RYK: variants seen among roughly 807,000 people sequenced by gnomAD.
RYK encodes the protein receptor like tyrosine kinase.
RYK carries 21 observed loss-of-function variants against 70.2 expected under a neutral mutation model. That is an observed-to-expected ratio of 0.30 (90% CI 0.21 to 0.43). RYK has a LOEUF of 0.43. Ranked by LOEUF, RYK falls within the 20% of genes least tolerant of loss-of-function variation. The probability of loss-of-function intolerance (pLI) is 1.00; values close to 1 mark genes in which losing one functional copy is unlikely to be tolerated. For missense variants in RYK, 604 were observed against 753.3 expected (o/e 0.80, Z 2.32); for synonymous variants, 267 against 278.0 (o/e 0.96, Z 0.39).
chr3:134,249,561 T>C (rs1162723538), intron 1 of RYK, among the ~76,000 whole-genome samples: 2 of 152,190 alleles, frequency 1.3e-5, no homozygotes, highest in Non-Finnish European at 2.9e-5. Flanking sequence ...TAAGGGGTCA[T>C]TTCCAGAATC....
intron 6 of RYK, among the ~76,000 whole-genome samples, chr3:134,196,733 C>T (rs1015680420): frequency 1.3e-5 from 2 of 152,092 alleles, no homozygotes; most frequent in Non-Finnish European, 2.9e-5. Flanking sequence ...GCAATGAGGA[C>T]TGTAAGTCTT....
intron 1 of RYK, among the ~76,000 whole-genome samples, chr3:134,231,485 T>C (rs1025596449): frequency 6.6e-6 from 1 of 152,224 alleles, no homozygotes; most frequent in African/African-American, 2.4e-5. Context: ...ACATTTCAAC[T>C]GAAGACAGGG....
chr3:134,165,623 C>G (rs1021272871), intron 13 of RYK, among the ~76,000 whole-genome samples: 1 of 152,206 alleles, frequency 6.6e-6, no homozygotes, highest in African/African-American at 2.4e-5. Flanking sequence ...CTCTGGCAAA[C>G]AGCCACTGAG....
At chr3:134,159,627 A>T (rs2012384233) in intron 13 of RYK, among the ~76,000 whole-genome samples, 1 of 152,244 alleles carries the variant, frequency 6.6e-6, no homozygotes, top group South Asian at 2.1e-4. Flanking sequence ...GTTGATTACA[A>T]GCTACGTATT....
rs2107702399 is a variant in RYK, at chr3:134,250,448, G to A, written c.207C>T (p.Ser69=). ...CGATCAGCCGGCGCACCTCGTCCTCGCTCAGGTAGAGACTCACGCTGGGCC... is the reference window on the plus strand; with the variant it reads ...CGATCAGCCGGCGCACCTCGTCCTCACTCAGGTAGAGACTCACGCTGGGCC... ...SAGPSVSLYL[S]EDEVRRLIGL... The change falls in exon 1 of 15, where the codon AGC becomes AGT. Residue 69 remains serine, a synonymous_variant. Coordinates refer to ENST00000623711, the MANE Select transcript of RYK (RefSeq NM_002958.4). 7.1e-7 allele frequency: 1 copy of A among 1,408,146 alleles called. No homozygotes were observed. The highest frequency in any genetic ancestry group is 9.3e-7 in the Non-Finnish European group (1 of 1,079,090). 87.2% of individuals were successfully genotyped at this position (1,408,146 alleles called of 1,614,324 possible). A position where few individuals can be genotyped will look rare whatever the true frequency, so the allele number is the denominator to read the frequency against.
At chr3:134,236,721 C>T (rs1560028273) in intron 1 of RYK, among the ~76,000 whole-genome samples, 1 of 152,150 alleles carries the variant, frequency 6.6e-6, no homozygotes, top group Non-Finnish European at 1.5e-5. Flanking sequence ...GCATGACAGA[C>T]ATGTAGACCA....
At chr3:134,197,466 A>T (rs534776174) in intron 6 of RYK, among the ~76,000 whole-genome samples, 1 of 152,368 alleles carries the variant, frequency 6.6e-6, no homozygotes, top group East Asian at 1.9e-4. Context: ...TAAAGCATTT[A>T]TTGCCTAGCC....
In RYK at chr3:134,191,828, C is replaced by T. The variant is rs774206383; in HGVS notation, c.1015+21G>A. On this transcript the variant is annotated intron_variant, in intron 8 of 14. Transcript: ENST00000623711. ...TAACATTAAATCATACTTAAAAAAC[C>T]GACTTTGAGATAATAAATACCTTCT... is the stretch of plus-strand genomic sequence containing the variant. 2.3e-5 allele frequency: 36 copies of T among 1,580,050 alleles called. No individual in the cohort carries two copies. The East Asian group carries it at 3.0e-4, about 13-fold the overall frequency.
chr3:134,223,255 G>T (rs928107757), intron 1 of RYK, among the ~76,000 whole-genome samples: 1 of 152,102 alleles, frequency 6.6e-6, no homozygotes, highest in African/African-American at 2.4e-5. Context: ...AAGTGACTCC[G>T]AAGTTTCACT....
chr3:134,189,904 A>T (rs1267565787), intron 8 of RYK, among the ~76,000 whole-genome samples: 1 of 152,198 alleles, frequency 6.6e-6, no homozygotes, highest in Admixed American at 6.5e-5. Context: ...ATGATCACTG[A>T]AAATGAATCT....
chr3:134,243,561 T>C (rs1037301693), intron 1 of RYK, among the ~76,000 whole-genome samples: 2 of 152,198 alleles, frequency 1.3e-5, no homozygotes, highest in African/African-American at 4.8e-5. Context: ...CTTTATCCTG[T>C]GGCGCTCCAT....
intron 3 of RYK, 57 bp downstream of exon 3, chr3:134,211,451 C>A (rs1028834775): frequency 8.3e-7 from 1 of 1,204,972 alleles, no homozygotes; most frequent in African/African-American, 1.5e-5. Flanking sequence ...GTTTTGGGGC[C>A]ATAGGGGATG....
intron 13 of RYK, among the ~76,000 whole-genome samples, chr3:134,174,545 T>C (rs1576504728): frequency 6.6e-6 from 1 of 152,228 alleles, no homozygotes; most frequent in Non-Finnish European, 1.5e-5. Flanking sequence ...TATAGGATTT[T>C]ACATATAACA....
intron 13 of RYK, among the ~76,000 whole-genome samples, chr3:134,172,513 A>G (rs1385887521): frequency 1.3e-5 from 2 of 152,232 alleles, no homozygotes; most frequent in African/African-American, 2.4e-5. Context: ...AAACATTATC[A>G]AAGAGTAGAA....
Position 134,176,045 on chromosome 3 carries a change from G to A in RYK, c.1306-6C>T. 1.6e-5 allele frequency: 24 copies of A among 1,543,832 alleles called. No individual in the cohort carries two copies. Among genetic ancestry groups the A allele is most frequent in the Non-Finnish European group, 2.1e-5 (24 of 1,132,838 alleles). The stretch of plus-strand genomic sequence containing the variant: ...AGGTCTTGCTGAGAAATTGCCTGTG[G>A]TAACAAAAAATAACATGGTTTGCAA... On this transcript the variant is annotated splice_polypyrimidine_tract_variant and splice_region_variant and intron_variant, in intron 11 of 14. Coordinates refer to ENST00000623711, the MANE Select transcript of RYK (RefSeq NM_002958.4).
intron 1 of RYK, among the ~76,000 whole-genome samples, chr3:134,246,303 T>TACACACACACACACAC (rs71139521): frequency 1.1e-5 from 1 of 89,198 alleles, no homozygotes; most frequent in Non-Finnish European, 2.3e-5. Context: ...CAGAAAGAAA[T>TACACACACACACACAC]ACACACACAC....
At chr3:134,217,072 A>C (rs1005991324) in intron 2 of RYK, among the ~76,000 whole-genome samples, 3 of 152,210 alleles carry the variant, frequency 2.0e-5, no homozygotes, top group African/African-American at 4.8e-5. Flanking sequence ...GCCTCTGAAG[A>C]GACCACAATC....
intron 2 of RYK, among the ~76,000 whole-genome samples, chr3:134,216,027 C>A (rs1414219651): frequency 2.6e-5 from 3 of 116,448 alleles, no homozygotes; most frequent in African/African-American, 1.1e-4. Context: ...CAGAGTGAGA[C>A]TCAGTCTCAA....
chr3:134,175,892 T>C (rs767173285), intron 12 of RYK, 38 bp downstream of exon 12: 3 of 1,557,376 alleles, frequency 1.9e-6, no homozygotes, highest in Non-Finnish European at 2.6e-6. Flanking sequence ...CAGGAAGCAC[T>C]CTACATCAAG....
Sources: allele counts gnomAD v4.1 joint callset (sites outside exome capture counted in the v4.1 genomes callset), GRCh38; gene constraint gnomAD v4.1.1; transcripts MANE v1.5; gene names NCBI Gene and HGNC (gene_info 2026-07-23, HGNC 2026-07-21).